The following GPT variants were observed in gnomAD, a reference collection of about 807,000 sequenced individuals.
The protein encoded by GPT is alanine aminotransferase 1.
GPT carries 60 observed loss-of-function variants against 51.4 expected under a neutral mutation model. The observed-to-expected ratio is 1.17, with a 90% CI of 0.95 to 1.45. The LOEUF (loss-of-function observed/expected upper bound fraction) is 1.45, where lower values mean the gene tolerates loss of function less well. GPT is among the 40% of genes most tolerant of loss of function. GPT has a pLI of 0.00. For synonymous variants in GPT, 397 were observed against 303.1 expected (o/e 1.31, Z -3.22); for missense variants, 853 against 704.0 (o/e 1.21, Z -2.40).
intron 5 of GPT, 126 bp from the exon 6 acceptor site, chr8:144,505,722 C>T: frequency 1.3e-6 from 1 of 748,602 alleles, no homozygotes. Flanking sequence ...CCGCCCCGCC[C>T]CACTCCTCCC....
In GPT at chr8:144,504,878, G is replaced by C. The variant is rs763553812; in HGVS notation, c.360G>C (p.Leu120=). 5 of 1,613,046 alleles carry C rather than the reference G, an allele frequency of 3.1e-6. No individual in the cohort carries two copies. The highest frequency in any genetic ancestry group is 4.2e-6 in the Non-Finnish European group (5 of 1,179,990). ...TGCAGGCGTGTGGGGGCCACAGTCT[G>C]GGTGAGAGCCAGGGCCAGGAGGAAG... ...RILQACGGHS[L]GAYSVSSGIQ... is the part of the protein sequence containing the mutation. Residue 120 remains leucine (L), a splice_region_variant and synonymous_variant, in exon 3 of 11, where the codon CTG becomes CTC. Transcript: ENST00000394955.
rs1239201535 is a variant in GPT, at chr8:144,505,884, T to C, written c.776T>C (p.Ile259Thr). ...VQTRECIEAV[I>T]RFAFEERLFL... is the part of the protein sequence containing the mutation. ...ACCCGCGAGTGCATCGAGGCCGTGA[T>C]CCGCTTCGCCTTCGAAGAGCGGCTC... Residue 259 changes from isoleucine (I) to threonine (T), a missense_variant, in exon 6 of 11, where the codon ATC (isoleucine) becomes ACC (threonine). Physicochemically the swap from Ile to Thr is moderately conservative, Grantham distance 89. Coordinates refer to ENST00000394955, the MANE Select transcript of GPT (RefSeq NM_005309.3). 1.3e-6 allele frequency: 2 copies of C among 1,578,394 alleles called. No homozygotes were observed. Among genetic ancestry groups the C allele is most frequent in the African/African-American group, 1.4e-5 (1 of 73,992 alleles).
chr8:144,504,233 C>G lies in GPT; in HGVS notation c.-72C>G. 6.5e-7 allele frequency: 1 copy of G among 1,537,964 alleles called. No homozygotes were observed. Among genetic ancestry groups the G allele is most frequent in the Non-Finnish European group, 8.8e-7 (1 of 1,136,456 alleles). ...CCAGCCCTGGCCCACTAAGCCAGAC[C>G]CAGCTGTCGCCATTCCCACTTCTGG... On this transcript the variant is annotated 5_prime_UTR_variant, in exon 1 of 11. Coordinates refer to ENST00000394955, the MANE Select transcript of GPT (RefSeq NM_005309.3).
In GPT at chr8:144,505,881, T is replaced by G. The variant is rs757536171; in HGVS notation, c.773T>G (p.Val258Gly). 2.3e-5 allele frequency: 37 copies of G among 1,575,188 alleles called. No homozygotes were observed. The highest frequency in any genetic ancestry group is 3.2e-5 in the Non-Finnish European group (37 of 1,161,372). ...QVQTRECIEA[V>G]IRFAFEERLF... is the part of the protein sequence containing the mutation. The stretch of plus-strand genomic sequence containing the variant: ...CAGACCCGCGAGTGCATCGAGGCCG[T>G]GATCCGCTTCGCCTTCGAAGAGCGG... The change falls in exon 6 of 11, where the codon GTG becomes GGG. Residue 258 changes from valine (V) to glycine (G), a missense_variant. By Grantham distance (109) the Val-to-Gly change is moderately radical. Transcript: ENST00000394955.
upstream of GPT, among the ~76,000 whole-genome samples, chr8:144,503,293 G>T (rs1586770405): frequency 6.6e-6 from 1 of 152,328 alleles, no homozygotes; most frequent in South Asian, 2.1e-4. Context: ...CGACGCTGGG[G>T]TGGGCCAGCG....
In GPT at chr8:144,504,980, T is replaced by C. The variant is rs761395130; in HGVS notation, c.362-18T>C. The C allele has an allele frequency of 2.4e-5, 39 of 1,612,904 alleles. No homozygotes were observed. The highest frequency in any genetic ancestry group is 3.2e-5 in the Non-Finnish European group (38 of 1,179,976). On this transcript the variant is annotated intron_variant, in intron 3 of 10. Coordinates refer to ENST00000394955, the MANE Select transcript of GPT (RefSeq NM_005309.3). ...AGAACTTCACCTGTACTTCCCATCCTGTCCTGCCCGAGTCCAGGGGCCTAC... is the reference window on the plus strand; with the variant it reads ...AGAACTTCACCTGTACTTCCCATCCCGTCCTGCCCGAGTCCAGGGGCCTAC...
Position 144,506,838 on chromosome 8 carries a change from C to T in GPT, c.1395C>T (p.His465=), listed in dbSNP as rs753283113. The T allele has an allele frequency of 1.2e-6, 2 of 1,612,790 alleles. No homozygotes were observed. Among genetic ancestry groups the T allele is most frequent in the South Asian group, 1.1e-5 (1 of 91,092 alleles). Residue 465 remains histidine (H), a synonymous_variant, in exon 10 of 11, where the codon CAC becomes CAT. Transcript: ENST00000394955. The surrounding 1 kb of genome is among the most constrained non-coding windows in gnomAD (Gnocchi z 7.0). ...SGFGQREGTY[H]FRMTILPPLE... ...TTGGGCAGCGGGAAGGCACCTACCACTTCCGGTGAGGCCTGGCCCTCACTC... is the reference window on the plus strand; with the variant it reads ...TTGGGCAGCGGGAAGGCACCTACCATTTCCGGTGAGGCCTGGCCCTCACTC...
In GPT at chr8:144,506,689, G is replaced by T. The variant is rs1186350721; in HGVS notation, c.1287+33G>T. 4 of 1,580,846 alleles carry T rather than the reference G, an allele frequency of 2.5e-6. No individual in the cohort carries two copies. The East Asian group carries it at 9.1e-5, about 36-fold the overall frequency. On this transcript the variant is annotated intron_variant, in intron 9 of 10. Coordinates refer to ENST00000394955, the MANE Select transcript of GPT (RefSeq NM_005309.3). The surrounding 1 kb of genome is among the most constrained non-coding windows in gnomAD (Gnocchi z 7.0). The stretch of plus-strand genomic sequence containing the variant: ...GGGGGCGGGGCCTGCGGGGTGGGCA[G>T]GGGGGGCCGGGCATCCCTCTCTGAC...
rs1223574918 is a variant in GPT at position 144,505,436 on chromosome 8, G to A, written c.686G>A (p.Arg229His). Residue 229 changes from arginine (R) to histidine (H), a missense_variant, in exon 5 of 11, where the codon CGT becomes CAT. Coordinates refer to ENST00000394955, the MANE Select transcript of GPT (RefSeq NM_005309.3). ...AELHRALGQA[R>H]DHCRPRALCV... Reference sequence around the variant, plus strand: ...CTTCACCGTGCACTGGGCCAGGCGCGTGACCACTGCCGCCCTCGTGCGCTC... The same window carrying A: ...CTTCACCGTGCACTGGGCCAGGCGCATGACCACTGCCGCCCTCGTGCGCTC... 2.5e-6 allele frequency: 4 copies of A among 1,599,920 alleles called. No homozygotes were observed. Among genetic ancestry groups the A allele is most frequent in the Admixed American group, 1.7e-5 (1 of 58,608 alleles).
Position 144,506,514 on chromosome 8 carries a change from TGCTGGCAGA to T in GPT, c.1152_1160del (p.Glu385_Ala387del), listed in dbSNP as rs766420184. The T allele has an allele frequency of 5.0e-6, 8 of 1,597,820 alleles. No homozygotes were observed. Among genetic ancestry groups the T allele is most frequent in the South Asian group, 3.4e-5 (3 of 88,198 alleles). ...CCGCGGCCACAGGAGAAGCAGGCAG[TGCTGGCAGA>T]GCTGGCGGCCAAGGCCAAGCTCACC... On this transcript the variant is annotated inframe_deletion, in exon 9 of 11. Coordinates refer to ENST00000394955, the MANE Select transcript of GPT (RefSeq NM_005309.3). The surrounding 1 kb of genome is among the most constrained non-coding windows in gnomAD (Gnocchi z 7.0).
Position 144,505,096 on chromosome 8 carries a change from G to A in GPT, c.460G>A (p.Val154Ile), listed in dbSNP as rs201065145. ...DGGIPADPNN[V>I]FLSTGASDAI... The stretch of plus-strand genomic sequence containing the variant: ...AGGCATCCCTGCGGACCCCAACAAC[G>A]TCTTCCTGTCCACAGGGGCCAGCGA... The change falls in exon 4 of 11, where the codon GTC becomes ATC. Residue 154 changes from valine to isoleucine, a missense_variant. Transcript: ENST00000394955. 47 of 1,613,160 alleles carry A rather than the reference G, an allele frequency of 2.9e-5. 1 individual carries two copies. The East Asian group carries it at 8.2e-4, about 28-fold the overall frequency.
At position 144,507,106 on chromosome 8, in the gene GPT, T is replaced by TGGGGGGGGGGGGGGGGGGGGGGGGG; in HGVS notation, c.*114_*115insGGGGGGGGGGGGGGGGGGGGGGGGG. The stretch of plus-strand genomic sequence containing the variant: ...GCTCTTGATGCCTGGCGGGGTGGGG[T>TGGGGGGGGGGGGGGGGGGGGGGGGG]GGGGGGGGTGCTGGGCCCCTGCCTC... On this transcript the variant is annotated 3_prime_UTR_variant, in exon 11 of 11. Coordinates refer to ENST00000394955, the MANE Select transcript of GPT (RefSeq NM_005309.3). The TGGGGGGGGGGGGGGGGGGGGGGGGG allele has an allele frequency of 6.2e-6, 1 of 161,086 alleles. No homozygotes were observed. The highest frequency in any genetic ancestry group is 1.3e-5 in the Non-Finnish European group (1 of 75,986). 10.0% of individuals were successfully genotyped at this position (161,086 alleles called of 1,614,324 possible).
chr8:144,505,114 G>T lies in GPT; in HGVS notation c.478G>T (p.Ala160Ser). 1 of 1,613,072 alleles carries T rather than the reference G, an allele frequency of 6.2e-7. No homozygotes were observed. The highest frequency in any genetic ancestry group is 8.5e-7 in the Non-Finnish European group (1 of 1,180,006). The change falls in exon 4 of 11, where the codon GCC (alanine) becomes TCC (serine). Residue 160 changes from alanine (A) to serine (S), a missense_variant. Physicochemically the swap from Ala to Ser is moderately conservative, Grantham distance 99. Transcript: ENST00000394955. Reference protein sequence around the residue: ...DPNNVFLSTGASDAIVTVLKL... With the variant: ...DPNNVFLSTGSSDAIVTVLKL... ...CAACAACGTCTTCCTGTCCACAGGGGCCAGCGATGCCATCGTGGTAGGCTG... is the reference window on the plus strand; with the variant it reads ...CAACAACGTCTTCCTGTCCACAGGGTCCAGCGATGCCATCGTGGTAGGCTG...
At chr8:144,503,401 G>C (rs951528643), upstream of GPT, among the ~76,000 whole-genome samples, 3 of 152,170 alleles carry the variant, frequency 2.0e-5, no homozygotes, top group African/African-American at 7.2e-5. Flanking sequence ...GGGAACAAGA[G>C]GGCTGGAGAG....
At position 144,506,643 on chromosome 8, in the gene GPT, T is replaced by C. The variant is rs773012570; in HGVS notation, c.1274T>C (p.Val425Ala). Residue 425 changes from valine to alanine, a missense_variant, in exon 9 of 11, where the codon GTG becomes GCG. Coordinates refer to ENST00000394955, the MANE Select transcript of GPT (RefSeq NM_005309.3). This position sits in a 1 kb window ranked among gnomAD's most constrained non-coding sequence, Gnocchi z 7.0. ...CGCGTGCAGCTGCCCCCGCGGGCGGTGGAGCGCGCTCAGGTCAGGCGGGGG... is the reference window on the plus strand; with the variant it reads ...CGCGTGCAGCTGCCCCCGCGGGCGGCGGAGCGCGCTCAGGTCAGGCGGGGG... The part of the protein sequence containing the change: ...FPRVQLPPRA[V>A]ERAQELGLAP... 36 of 1,382,214 alleles carry C rather than the reference T, an allele frequency of 2.6e-5. No homozygotes were observed. In the Admixed American group the frequency reaches 7.9e-4, roughly 30 times the overall value. The allele number at this position is 1,382,214 out of a possible 1,614,324, so 85.6% of individuals were successfully genotyped here. A position where few individuals can be genotyped will look rare whatever the true frequency, so the allele number is the denominator to read the frequency against.
chr8:144,503,959 T>C (rs942802176), upstream of GPT: 3 of 403,288 alleles, frequency 7.4e-6, no homozygotes, highest in Admixed American at 1.1e-4. Flanking sequence ...CGTCTGTACC[T>C]ACCCCCCATG....
At position 144,506,491 on chromosome 8, in the gene GPT, G is replaced by C. The variant is rs757182382; in HGVS notation, c.1132-10G>C. The stretch of plus-strand genomic sequence containing the variant: ...CCGTGCCCTGATGGGCCCTCCCTCC[G>C]CGGCCACAGGAGAAGCAGGCAGTGC... On this transcript the variant is annotated splice_polypyrimidine_tract_variant and intron_variant, in intron 8 of 10. Transcript: ENST00000394955. This position sits in a 1 kb window ranked among gnomAD's most constrained non-coding sequence, Gnocchi z 7.0. The C allele has an allele frequency of 1.9e-6, 3 of 1,593,506 alleles. No homozygotes were observed. The highest frequency in any genetic ancestry group is 2.6e-6 in the Non-Finnish European group (3 of 1,171,424).
At position 144,504,584 on chromosome 8, in the gene GPT, C is replaced by A. The variant is rs1486486194; in HGVS notation, c.163-20C>A. ...GTTAGGTAGGGCACAGTCTCCCTGCCTGCTCCCCTCCCCTCCCAGGGTGTG... is the reference window on the plus strand; with the variant it reads ...GTTAGGTAGGGCACAGTCTCCCTGCATGCTCCCCTCCCCTCCCAGGGTGTG... On this transcript the variant is annotated intron_variant, in intron 1 of 10. Transcript: ENST00000394955. 6.2e-7 allele frequency: 1 copy of A among 1,612,050 alleles called. No individual in the cohort carries two copies. Among genetic ancestry groups the A allele is most frequent in the South Asian group, 1.1e-5 (1 of 91,074 alleles).
chr8:144,505,541 C>T (rs1469923799), intron 5 of GPT, 52 bp downstream of exon 5: 2 of 1,304,086 alleles, frequency 1.5e-6, no homozygotes, highest in Non-Finnish European at 2.0e-6. Flanking sequence ...GTTGCGTTCC[C>T]CGCCGCCCCG....
Sources: gnomAD v4.1 joint callset for allele counts (sites outside exome capture counted in the v4.1 genomes callset) on GRCh38, gnomAD v4.1.1 for gene constraint, Gnocchi (gnomAD v3.1) non-coding constraint, MANE v1.5 for transcripts, NCBI Gene and HGNC (gene_info 2026-07-23, HGNC 2026-07-21) for gene names.